Variants in SH3RF1 observed in about 807,000 individuals in gnomAD.
The protein encoded by SH3RF1 is E3 ubiquitin-protein ligase SH3RF1.
In SH3RF1, 32 loss-of-function variants were observed where a neutral mutation model predicts 74.0. The ratio of observed to expected loss-of-function variants is 0.43; its 90% CI spans 0.33 to 0.58. The LOEUF (loss-of-function observed/expected upper bound fraction) is 0.58, where lower values mean the gene tolerates loss of function less well. SH3RF1 is among the 20% of genes least tolerant of loss of function. The pLI is 0.05. For synonymous variants in SH3RF1, 396 were observed against 439.6 expected, an observed-to-expected ratio of 0.90 and a Z score of 1.24; for missense variants, 954 against 1,130.9, an observed-to-expected ratio of 0.84 and a Z score of 2.24.
At chr4:169,191,298 C>CAA (rs35344441) in intron 2 of SH3RF1, among the ~76,000 whole-genome samples, 7,827 of 112,872 alleles carry the variant, frequency 0.069, 344 homozygotes, top group South Asian at 0.18. Flanking sequence ...ACAATAGCTG[C>CAA]AAAAAAAAAA....
intron 2 of SH3RF1, among the ~76,000 whole-genome samples, chr4:169,175,422 C>A (rs1409860645): frequency 1.3e-5 from 2 of 151,230 alleles, no homozygotes; most frequent in African/African-American, 4.8e-5. Flanking sequence ...CTACATCCTA[C>A]TCCTGCTACA....
At chr4:169,261,237 C>T (rs574880902) in intron 2 of SH3RF1, among the ~76,000 whole-genome samples, 2 of 152,216 alleles carry the variant, frequency 1.3e-5, no homozygotes, top group African/African-American at 2.4e-5. Flanking sequence ...CTCCAAACCA[C>T]ACTCTTCCCC....
chr4:169,236,850 G>C (rs1181181090), intron 2 of SH3RF1, among the ~76,000 whole-genome samples: 2 of 152,054 alleles, frequency 1.3e-5, no homozygotes. Context: ...ATAATTCACT[G>C]ACAGACACAA....
chr4:169,120,873 A>G lies in SH3RF1; in HGVS notation c.1463T>C (p.Met488Thr), dbSNP rs1440357410. 3 of 1,614,210 alleles carry G rather than the reference A, an allele frequency of 1.9e-6. No individual in the cohort carries two copies. The highest frequency in any genetic ancestry group is 2.5e-6 in the Non-Finnish European group (3 of 1,180,028). The change falls in exon 8 of 12, where the codon ATG becomes ACG. Residue 488 changes from methionine (M) to threonine (T), a missense_variant. By Grantham distance (81) the Met-to-Thr change is moderately conservative. This residue lies in a region of SH3RF1 where 854 missense variants were observed against 962.5 expected (regional missense o/e 0.89). Transcript: ENST00000284637. The stretch of plus-strand genomic sequence containing the variant: ...GAAAACCCCTATCTTGCTGGTATGC[A>G]TGGATGTCCCTTTGAACCAGCCATC... ...CQDGWFKGTS[M>T]HTSKIGVFPG...
intron 2 of SH3RF1, among the ~76,000 whole-genome samples, chr4:169,227,936 A>G (rs190106229): frequency 9.8e-5 from 15 of 152,346 alleles, no homozygotes; most frequent in African/African-American, 3.6e-4. Flanking sequence ...AGGGAACTCT[A>G]CAAATCACAG....
intron 2 of SH3RF1, among the ~76,000 whole-genome samples, chr4:169,198,032 C>G (rs1180756807): frequency 6.6e-6 from 1 of 152,150 alleles, no homozygotes; most frequent in African/African-American, 2.4e-5. Flanking sequence ...AATGTAAAGG[C>G]TTCATAATAC....
At chr4:169,101,296 C>G (rs951578217) in intron 11 of SH3RF1, among the ~76,000 whole-genome samples, 1 of 152,150 alleles carries the variant, frequency 6.6e-6, no homozygotes, top group Non-Finnish European at 1.5e-5. Context: ...GAATGAAATT[C>G]TGACACGTGC....
intron 2 of SH3RF1, among the ~76,000 whole-genome samples, chr4:169,182,867 G>A (rs1251183327): frequency 5.3e-5 from 8 of 151,964 alleles, no homozygotes; most frequent in Non-Finnish European, 1.2e-4. Flanking sequence ...AAAAAAAAAA[G>A]GAGAAAGGTG....
intron 5 of SH3RF1, 121 bp from the exon 6 acceptor site, chr4:169,130,277 G>C: frequency 1.3e-6 from 1 of 745,502 alleles, no homozygotes; most frequent in Non-Finnish European, 2.1e-6. Context: ...TGTTATTTGG[G>C]GAAGGTAGAA....
intron 2 of SH3RF1, among the ~76,000 whole-genome samples, chr4:169,208,837 G>A (rs796759914): frequency 2.0e-5 from 3 of 152,110 alleles, no homozygotes; most frequent in African/African-American, 7.2e-5. Context: ...AAGTAGGAGT[G>A]GGCCTACGCA....
intron 2 of SH3RF1, among the ~76,000 whole-genome samples, chr4:169,169,787 G>C (rs3109088): frequency 0.54 from 81,742 of 151,790 alleles, 24,634 homozygotes; most frequent in East Asian, 0.72. Context: ...GAATGCAGTG[G>C]TGTGATCAGG....
chr4:169,100,339 G>A (rs1033827684), intron 11 of SH3RF1, among the ~76,000 whole-genome samples: 22 of 151,866 alleles, frequency 1.4e-4, no homozygotes, highest in Non-Finnish European at 1.5e-4. Context: ...CTTCCACCTC[G>A]TCAAATATCT....
At chr4:169,133,406 C>T (rs35307645) in intron 5 of SH3RF1, among the ~76,000 whole-genome samples, 8,207 of 150,932 alleles carry the variant, frequency 0.054, 303 homozygotes, top group African/African-American at 0.11. Context: ...ACCTGGGAGG[C>T]GAAGGTTGCA....
At chr4:169,243,471 C>T (rs576087175) in intron 2 of SH3RF1, among the ~76,000 whole-genome samples, 1 of 152,314 alleles carries the variant, frequency 6.6e-6, no homozygotes, top group African/African-American at 2.4e-5. Flanking sequence ...CAAGATCGTG[C>T]CACTGCACTC....
intron 3 of SH3RF1, among the ~76,000 whole-genome samples, chr4:169,156,056 A>C (rs538637001): frequency 6.6e-6 from 1 of 152,324 alleles, no homozygotes; most frequent in South Asian, 2.1e-4. Flanking sequence ...TTTACATATA[A>C]AATATGAAAG....
At chr4:169,245,618 T>A (rs1730983073) in intron 2 of SH3RF1, among the ~76,000 whole-genome samples, 1 of 152,160 alleles carries the variant, frequency 6.6e-6, no homozygotes, top group African/African-American at 2.4e-5. Context: ...GAAAACCGGA[T>A]AATCCACCTA....
rs760090960 is a variant in SH3RF1 at position 169,255,689 on chromosome 4, CCCAT to C, written c.393+13127_393+13130del. Among the ~76,000 whole-genome samples, 501 of 150,204 alleles carry C rather than the reference CCCAT, an allele frequency of 3.3e-3. 2 individuals carry two copies. Among genetic ancestry groups the C allele is most frequent in the Non-Finnish European group, 3.1e-3 (210 of 67,360 alleles). On this transcript the variant is annotated intron_variant, in intron 2 of 11. Coordinates refer to ENST00000284637, the MANE Select transcript of SH3RF1 (RefSeq NM_020870.4). ...GAGTCCAGATAGATCAACTGACCCA[CCCAT>C]CCATCCATCTATCCAACAGTGCATT...
chr4:169,136,991 C>T (rs992159310), intron 4 of SH3RF1, among the ~76,000 whole-genome samples: 2 of 152,220 alleles, frequency 1.3e-5, no homozygotes, highest in African/African-American at 4.8e-5. Context: ...TCACCCTTTT[C>T]GTGACACCCT....
intron 2 of SH3RF1, among the ~76,000 whole-genome samples, chr4:169,179,400 A>C (rs1734472736): frequency 6.6e-6 from 1 of 152,232 alleles, no homozygotes; most frequent in Non-Finnish European, 1.5e-5. Flanking sequence ...CAAAAGTATA[A>C]GTTAATAAAA....
Sources: gnomAD v4.1 joint callset for allele counts (sites outside exome capture counted in the v4.1 genomes callset) on GRCh38, gnomAD v4.1.1 for gene constraint, gnomAD v4.1.1 regional missense constraint, MANE v1.5 for transcripts, NCBI Gene and HGNC (gene_info 2026-07-23, HGNC 2026-07-21) for gene names.